Variants in FAM149A observed in about 807,000 individuals in gnomAD.
FAM149A encodes protein FAM149A.
FAM149A carries 71 observed loss-of-function variants against 78.2 expected under a neutral mutation model. The observed-to-expected ratio is 0.91, with a 90% CI of 0.75 to 1.11. FAM149A has a LOEUF of 1.11. Among genes scored for constraint, FAM149A ranks in the 50% least tolerant of loss-of-function variants. The pLI, the probability that FAM149A is intolerant of heterozygous loss-of-function variation, is 0.00. For missense variants in FAM149A, 1,036 were observed against 971.0 expected, an observed-to-expected ratio of 1.07 and a Z score of -0.89; for synonymous variants, 446 against 410.5, an observed-to-expected ratio of 1.09 and a Z score of -1.04.
intron 9 of FAM149A, among the ~76,000 whole-genome samples, 151 bp from the exon 10 acceptor site, chr4:186,163,271 GAA>G: frequency 6.6e-6 from 1 of 152,232 alleles, no homozygotes; most frequent in Non-Finnish European, 1.5e-5. Flanking sequence ...AACAGAAACA[GAA>G]ATGATGGGTC....
Position 186,105,487 on chromosome 4 carries a change from G to A in FAM149A, c.411G>A (p.Trp137Ter). 1 of 1,204,616 alleles carries A rather than the reference G, an allele frequency of 8.3e-7. No homozygotes were observed. Among genetic ancestry groups the A allele is most frequent in the Non-Finnish European group, 1.0e-6 (1 of 954,270 alleles). 74.6% of individuals were successfully genotyped at this position (1,204,616 alleles called of 1,614,324 possible). Residue 137 changes from tryptophan (W) to a stop codon, truncating the protein, a stop_gained, in exon 1 of 14, where the codon TGG (tryptophan) becomes TGA (stop). Transcript: ENST00000389354. LOFTEE classifies it high-confidence loss of function. ...CGCCCTCGGGCCCCGGCGGGGTCTG[G>A]GCCGCGCTCCCCAGGAACCCGCTCC...
At position 186,172,034 on chromosome 4, in the gene FAM149A, G is replaced by T. The variant is rs752979297; in HGVS notation, c.*47G>T. ...GGAGCACCTGTGGCCTCGGCACACTGCTTATCACTTGAAAAATGGAGGAAC... is the reference window on the plus strand; with the variant it reads ...GGAGCACCTGTGGCCTCGGCACACTTCTTATCACTTGAAAAATGGAGGAAC... On this transcript the variant is annotated 3_prime_UTR_variant, in exon 14 of 14. Coordinates refer to ENST00000389354, the MANE Select transcript of FAM149A (RefSeq NM_001367768.3). The T allele has an allele frequency of 2.5e-6, 4 of 1,588,876 alleles. No individual in the cohort carries two copies. Among genetic ancestry groups the T allele is most frequent in the South Asian group, 2.3e-5 (2 of 86,078 alleles).
chr4:186,133,149 A>G, intron 1 of FAM149A: 1 of 985,404 alleles, frequency 1.0e-6, no homozygotes. Flanking sequence ...TTTCCACCCT[A>G]CACACTACAT....
Position 186,156,042 on chromosome 4 carries a change from G to A in FAM149A, c.1272G>A (p.Arg424=). The A allele has an allele frequency of 6.2e-7, 1 of 1,613,842 alleles. No individual in the cohort carries two copies. Among genetic ancestry groups the A allele is most frequent in the South Asian group, 1.1e-5 (1 of 91,024 alleles). ...AACAAAAACCAGCTCAGCCCGGTAG[G>A]AAATGGCGCAAACTCGGACTTCCTC... The change falls in exon 7 of 14, where the codon AGG becomes AGA. Residue 424 remains arginine (R), a synonymous_variant. Transcript: ENST00000389354.
intron 1 of FAM149A, among the ~76,000 whole-genome samples, chr4:186,108,147 C>T (rs2099309543): frequency 6.6e-6 from 1 of 152,062 alleles, no homozygotes; most frequent in African/African-American, 2.4e-5. Flanking sequence ...CTGCTGTTAG[C>T]CTGTGTGGTT....
chr4:186,167,015 C>G lies in FAM149A; in HGVS notation c.2058C>G (p.Asp686Glu), dbSNP rs754552414. Reference sequence around the variant, plus strand: ...ACCGTGTGTTGAGTGCCATGCCTGACGGTACAGAACGATCGCGTCTTCGAG... The same window carrying G: ...ACCGTGTGTTGAGTGCCATGCCTGAGGGTACAGAACGATCGCGTCTTCGAG... The change falls in exon 12 of 14, where the codon GAC (aspartate) becomes GAG (glutamate). Residue 686 changes from aspartate to glutamate, a missense_variant. Asp to Glu is a conservative substitution (Grantham distance 45). Coordinates refer to ENST00000389354, the MANE Select transcript of FAM149A (RefSeq NM_001367768.3). The G allele has an allele frequency of 2.5e-6, 4 of 1,613,884 alleles. No homozygotes were observed. The Admixed American group carries it at 6.7e-5, about 27-fold the overall frequency.
At position 186,165,398 on chromosome 4, in the gene FAM149A, G is replaced by T; in HGVS notation, c.1944G>T (p.Arg648Ser). ...CACTGGTTCAAACGTCACGGAGCAG[G>T]TTCCCCCCGCTAGTCACGGAGACCA... Residue 648 changes from arginine to serine, a missense_variant, in exon 11 of 14, where the codon AGG becomes AGT. This residue lies in a region of FAM149A where 716 missense variants were observed against 711.8 expected (regional missense o/e 1.01). Transcript: ENST00000389354. 1 of 1,614,208 alleles carries T rather than the reference G, an allele frequency of 6.2e-7. No homozygotes were observed. Among genetic ancestry groups the T allele is most frequent in the Non-Finnish European group, 8.5e-7 (1 of 1,180,020 alleles).
intron 1 of FAM149A, 134 bp downstream of exon 1, chr4:186,105,776 C>A (rs114336415): frequency 1.9e-6 from 1 of 531,380 alleles, no homozygotes; most frequent in Non-Finnish European, 2.4e-6. Flanking sequence ...CCCTGGGCAC[C>A]CTCCTTGCAC....
intron 10 of FAM149A, 104 bp from the exon 11 acceptor site, chr4:186,165,240 G>A: frequency 7.9e-7 from 1 of 1,269,132 alleles, no homozygotes; most frequent in Non-Finnish European, 1.1e-6. Context: ...CCTCCTGTGT[G>A]CCCCTCACGC....
chr4:186,120,562 G>A lies in FAM149A; in HGVS notation c.566+14920G>A, dbSNP rs527584791. The stretch of plus-strand genomic sequence containing the variant: ...TAATCCCAGCACTTTGGGAGGCCGA[G>A]GCAGGTGGATCACGAGATTAGGAGT... On this transcript the variant is annotated intron_variant, in intron 1 of 13. Coordinates refer to ENST00000389354, the MANE Select transcript of FAM149A (RefSeq NM_001367768.3). Among the ~76,000 whole-genome samples the A allele has an allele frequency of 2.5e-3, 385 of 152,016 alleles. 1 individual carries two copies. The highest frequency in any genetic ancestry group is 8.9e-3 in the African/African-American group (369 of 41,514).
chr4:186,118,743 T>C (rs1213005274), intron 1 of FAM149A, among the ~76,000 whole-genome samples: 1 of 152,170 alleles, frequency 6.6e-6, no homozygotes, highest in African/African-American at 2.4e-5. Flanking sequence ...CTTTAAATTG[T>C]TCAGACGATC....
intron 8 of FAM149A, among the ~76,000 whole-genome samples, chr4:186,159,028 TA>T (rs893388888): frequency 5.9e-5 from 9 of 152,110 alleles, no homozygotes; most frequent in South Asian, 2.1e-4. Flanking sequence ...TTTGGGAGAT[TA>T]AAAAAATGCT....
intron 1 of FAM149A, among the ~76,000 whole-genome samples, chr4:186,140,083 C>T (rs1413812045): frequency 6.6e-6 from 1 of 152,160 alleles, no homozygotes; most frequent in African/African-American, 2.4e-5. Context: ...ATTCACACAA[C>T]TCTACAAGGA....
At chr4:186,128,963 A>G (rs2099319472) in intron 1 of FAM149A, among the ~76,000 whole-genome samples, 1 of 148,678 alleles carries the variant, frequency 6.7e-6, no homozygotes, top group Non-Finnish European at 1.5e-5. Flanking sequence ...GTATCTGTGT[A>G]TGTGTGTCTT....
In FAM149A at chr4:186,165,192, A is replaced by T. The variant is rs1396026784; in HGVS notation, c.1890-152A>T. 1.9e-5 allele frequency: 14 copies of T among 743,922 alleles called. No homozygotes were observed. The East Asian group carries it at 3.5e-4, about 19-fold the overall frequency. 46.1% of individuals were successfully genotyped at this position (743,922 alleles called of 1,614,324 possible). A position where few individuals can be genotyped will look rare whatever the true frequency, so the allele number is the denominator to read the frequency against. On this transcript the variant is annotated intron_variant, in intron 10 of 13. Coordinates refer to ENST00000389354, the MANE Select transcript of FAM149A (RefSeq NM_001367768.3). Reference sequence around the variant, plus strand: ...TCAGAGTGCTATAAGTTCCCTGGGGAGCATCCGGATAATACCACACATAGC... The same window carrying T: ...TCAGAGTGCTATAAGTTCCCTGGGGTGCATCCGGATAATACCACACATAGC...
intron 1 of FAM149A, chr4:186,123,299 C>A: frequency 1.0e-6 from 1 of 985,206 alleles, no homozygotes; most frequent in Non-Finnish European, 1.2e-6. Flanking sequence ...GTAGTTTATA[C>A]AGTTAAAAGA....
chr4:186,127,243 C>T lies in FAM149A; in HGVS notation c.566+21601C>T, dbSNP rs1299421384. On this transcript the variant is annotated intron_variant, in intron 1 of 13. Transcript: ENST00000389354. ...GGAGGAACTATTTTCACCCTGCATG[C>T]CCACAAATCTCAACTCAGAGCTTCG... 5.2e-6 allele frequency: 5 copies of T among 960,464 alleles called. No homozygotes were observed. In the African/African-American group the frequency reaches 7.0e-5, roughly 14 times the overall value. The allele number at this position is 960,464 out of a possible 1,614,324, so 59.5% of individuals were successfully genotyped here.
At chr4:186,158,274 A>T (rs961396799) in intron 8 of FAM149A, 4 of 1,226,042 alleles carry the variant, frequency 3.3e-6, no homozygotes, top group East Asian at 5.4e-5. Flanking sequence ...CCAGGCGACC[A>T]CCAGCCTCTC....
In FAM149A at chr4:186,144,739, GCCGGGGC is replaced by G; in HGVS notation, c.567-4429_567-4423del. 1 of 876,746 alleles carries G rather than the reference GCCGGGGC, an allele frequency of 1.1e-6. No homozygotes were observed. Among genetic ancestry groups the G allele is most frequent in the Non-Finnish European group, 1.4e-6 (1 of 730,390 alleles). 54.3% of individuals were successfully genotyped at this position (876,746 alleles called of 1,614,324 possible). On this transcript the variant is annotated intron_variant, in intron 1 of 13. Coordinates refer to ENST00000389354, the MANE Select transcript of FAM149A (RefSeq NM_001367768.3). The surrounding 1 kb of genome is among the most constrained non-coding windows in gnomAD (Gnocchi z 4.2). ...AGGTCGGCGCGGGGCCGGGGCCGGG[GCCGGGGC>G]CCGGAGCGGGGATGGGCGGGCGCAG...
Sources: allele counts gnomAD v4.1 joint callset (sites outside exome capture counted in the v4.1 genomes callset), GRCh38; gene constraint gnomAD v4.1.1; regional missense constraint gnomAD v4.1.1; non-coding constraint Gnocchi (gnomAD v3.1); transcripts MANE v1.5; gene names NCBI Gene and HGNC (gene_info 2026-07-23, HGNC 2026-07-21).